The following TRPM3 variants were observed in gnomAD, a reference collection of about 807,000 sequenced individuals.
TRPM3 encodes long transient receptor potential channel 3.
A neutral mutation model predicts 181.2 loss-of-function variants in TRPM3; 77 were observed. That is an observed-to-expected ratio of 0.42 (90% CI 0.35 to 0.51). The LOEUF (loss-of-function observed/expected upper bound fraction) is 0.51. Ranked by LOEUF, TRPM3 falls within the 20% of genes least tolerant of loss-of-function variation. The probability of loss-of-function intolerance (pLI) is 0.01; values close to 1 mark genes in which losing one functional copy is unlikely to be tolerated. For missense variants in TRPM3, 1,759 were observed against 2,196.7 expected (o/e 0.80, Z 3.98); for synonymous variants, 745 against 796.4 (o/e 0.94, Z 1.09).
chr9:71,317,394 G>A (rs559757261), intron 1 of TRPM3, among the ~76,000 whole-genome samples: 1 of 152,228 alleles, frequency 6.6e-6, no homozygotes, highest in African/African-American at 2.4e-5. Flanking sequence ...AGCACTTTGG[G>A]AGGCTGAGGC....
chr9:70,675,528 G>A (rs994681556), intron 9 of TRPM3, among the ~76,000 whole-genome samples: 15 of 152,086 alleles, frequency 9.9e-5, no homozygotes, highest in Non-Finnish European at 2.1e-4. Context: ...CTGAAGATCA[G>A]AAACACATAA....
intron 1 of TRPM3, among the ~76,000 whole-genome samples, chr9:71,067,714 T>C (rs644836): frequency 0.23 from 35,579 of 152,152 alleles, 4,936 homozygotes; most frequent in East Asian, 0.41. Flanking sequence ...TTTCCTAATA[T>C]GAAGATTGCA....
At chr9:71,309,930 T>C (rs2087754256) in intron 1 of TRPM3, among the ~76,000 whole-genome samples, 1 of 152,124 alleles carries the variant, frequency 6.6e-6, no homozygotes, top group African/African-American at 2.4e-5. Context: ...TCCCATAAAC[T>C]GATGTATGAA....
chr9:70,860,921 T>C (rs1358669262), intron 3 of TRPM3, among the ~76,000 whole-genome samples: 2 of 152,124 alleles, frequency 1.3e-5, no homozygotes, highest in Non-Finnish European at 2.9e-5. Context: ...TACAACAGAA[T>C]ACAATTACTG....
At chr9:70,990,546 CA>C (rs1050432097) in intron 1 of TRPM3, among the ~76,000 whole-genome samples, 2 of 152,056 alleles carry the variant, frequency 1.3e-5, no homozygotes, top group African/African-American at 2.4e-5. Context: ...TGCTTGGATC[CA>C]AAACACCCTG....
chr9:71,173,807 G>A (rs890065774), intron 1 of TRPM3, among the ~76,000 whole-genome samples: 1 of 152,154 alleles, frequency 6.6e-6, no homozygotes, highest in Admixed American at 6.6e-5. Flanking sequence ...TTATTACCTA[G>A]GAACACCAAT....
At chr9:71,160,391 ATCTC>A (rs946296238) in intron 1 of TRPM3, among the ~76,000 whole-genome samples, 1 of 152,212 alleles carries the variant, frequency 6.6e-6, no homozygotes, top group Admixed American at 6.5e-5. Flanking sequence ...TTTATCATTT[ATCTC>A]TCTCTACTTA....
chr9:70,776,507 C>T (rs1564229885), intron 7 of TRPM3: 1 of 691,514 alleles, frequency 1.4e-6, no homozygotes, highest in Non-Finnish European at 2.7e-6. Flanking sequence ...AAATGATTTG[C>T]AAAAGAAACA....
At chr9:70,597,147 G>A (rs2059165567) in intron 21 of TRPM3, among the ~76,000 whole-genome samples, 1 of 152,024 alleles carries the variant, frequency 6.6e-6, no homozygotes, top group East Asian at 1.9e-4. Context: ...TGGTCAGGCT[G>A]GTCTCGAACT....
At chr9:71,212,198 C>T (rs948540172) in intron 1 of TRPM3, among the ~76,000 whole-genome samples, 1 of 152,134 alleles carries the variant, frequency 6.6e-6, no homozygotes, top group East Asian at 1.9e-4. Context: ...CTCACAGCAG[C>T]CTCAACCTCC....
chr9:71,278,592 A>G (rs982531050), intron 1 of TRPM3, among the ~76,000 whole-genome samples: 8 of 152,220 alleles, frequency 5.3e-5, no homozygotes, highest in Admixed American at 3.3e-4. Flanking sequence ...ATCATATAAT[A>G]TAAGATTAAT....
intron 1 of TRPM3, among the ~76,000 whole-genome samples, chr9:71,422,263 G>A (rs531314558): frequency 5.3e-5 from 8 of 152,086 alleles, no homozygotes; most frequent in African/African-American, 1.4e-4. Flanking sequence ...ACATCATACT[G>A]AAAGAAGAAT....
chr9:71,370,671 G>C (rs2092480346), intron 1 of TRPM3, among the ~76,000 whole-genome samples: 1 of 152,194 alleles, frequency 6.6e-6, no homozygotes, highest in Non-Finnish European at 1.5e-5. Flanking sequence ...AGGTGAAAGA[G>C]CAAGTGCCAA....
intron 1 of TRPM3, among the ~76,000 whole-genome samples, chr9:71,351,474 A>C (rs2091618588): frequency 6.6e-6 from 1 of 152,254 alleles, no homozygotes; most frequent in East Asian, 1.9e-4. Context: ...GATCGAAACT[A>C]TATATATGAT....
chr9:70,798,135 G>A (rs546607085), intron 6 of TRPM3, among the ~76,000 whole-genome samples: 4 of 152,198 alleles, frequency 2.6e-5, no homozygotes, highest in South Asian at 2.1e-4. Flanking sequence ...GCTCACTGCC[G>A]CCTCGACTTC....
At chr9:70,956,019 G>A (rs2097065832) in intron 1 of TRPM3, among the ~76,000 whole-genome samples, 1 of 152,144 alleles carries the variant, frequency 6.6e-6, no homozygotes, top group South Asian at 2.1e-4. Flanking sequence ...CCTACTGAAT[G>A]AGTTTTTATA....
At chr9:71,393,214 A>G (rs1234148042) in intron 1 of TRPM3, among the ~76,000 whole-genome samples, 1 of 152,202 alleles carries the variant, frequency 6.6e-6, no homozygotes, top group African/African-American at 2.4e-5. Flanking sequence ...TGAGGTTTCT[A>G]TAGCAATAAA....
At chr9:71,186,786 G>A (rs1025267455) in intron 1 of TRPM3, among the ~76,000 whole-genome samples, 1 of 151,972 alleles carries the variant, frequency 6.6e-6, no homozygotes, top group Non-Finnish European at 1.5e-5. Context: ...AAATCTTCAA[G>A]TTTTTCTTAC....
At chr9:71,265,348 A>G (rs1289622660) in intron 1 of TRPM3, among the ~76,000 whole-genome samples, 1 of 152,214 alleles carries the variant, frequency 6.6e-6, no homozygotes, top group East Asian at 1.9e-4. Context: ...GCAGCTTATT[A>G]AATTTATTGC....
Sources: gnomAD v4.1 joint callset for allele counts (sites outside exome capture counted in the v4.1 genomes callset) on GRCh38, gnomAD v4.1.1 for gene constraint, MANE v1.5 for transcripts, NCBI Gene and HGNC (gene_info 2026-07-23, HGNC 2026-07-21) for gene names.